Variants in MACF1 observed in about 807,000 individuals in gnomAD.
MACF1 encodes the protein microtubule-actin cross-linking factor 1.
MACF1 carries 193 observed loss-of-function variants against 854.8 expected under a neutral mutation model. That is an observed-to-expected ratio of 0.23 (90% confidence interval 0.20 to 0.25). MACF1 has a LOEUF of 0.25. Among genes scored for constraint, MACF1 ranks in the 10% least tolerant of loss-of-function variants. The probability of loss-of-function intolerance (pLI) is 1.00; values close to 1 mark genes in which losing one functional copy is unlikely to be tolerated. For synonymous variants in MACF1, 3,185 were observed against 3,226.7 expected, an observed-to-expected ratio of 0.99 and a Z score of 0.44; for missense variants, 7,722 against 8,929.1, an observed-to-expected ratio of 0.86 and a Z score of 5.45.
At chr1:39,091,730 G>A (rs1451084361) in intron 2 of MACF1, among the ~76,000 whole-genome samples, 1 of 152,088 alleles carries the variant, frequency 6.6e-6, no homozygotes, top group African/African-American at 2.4e-5. Flanking sequence ...TCAATCTCTT[G>A]ACCTCGTGAT....
chr1:39,391,623 A>G (rs1642039725), intron 58 of MACF1, among the ~76,000 whole-genome samples: 1 of 152,254 alleles, frequency 6.6e-6, no homozygotes, highest in Non-Finnish European at 1.5e-5. Flanking sequence ...AAGAGTCCAC[A>G]TGCAGGCATA....
intron 2 of MACF1, among the ~76,000 whole-genome samples, chr1:39,184,195 C>T (rs929520417): frequency 1.3e-5 from 2 of 152,132 alleles, no homozygotes; most frequent in Admixed American, 6.6e-5. Flanking sequence ...CTTGGGTATA[C>T]TGTGTTTGTA....
chr1:39,280,919 C>T (rs1645531308), intron 6 of MACF1, among the ~76,000 whole-genome samples: 1 of 152,134 alleles, frequency 6.6e-6, no homozygotes. Flanking sequence ...ACTGTCAGTG[C>T]TGTGGGAGTT....
chr1:39,201,499 C>G (rs1476261461), upstream of MACF1, among the ~76,000 whole-genome samples: 1 of 152,002 alleles, frequency 6.6e-6, no homozygotes, highest in African/African-American at 2.4e-5. Flanking sequence ...ACTACAGGCG[C>G]GTGCCACCAC....
At chr1:39,337,582 T>TTTC (rs1646836624) in intron 38 of MACF1, among the ~76,000 whole-genome samples, 2 of 149,636 alleles carry the variant, frequency 1.3e-5, no homozygotes, top group Non-Finnish European at 3.0e-5. Flanking sequence ...TTTTTTTTTT[T>TTTC]TGAGATAGAG....
intron 20 of MACF1, 83 bp downstream of exon 20, chr1:39,295,965 T>C: frequency 8.3e-7 from 1 of 1,206,076 alleles, no homozygotes; most frequent in Non-Finnish European, 1.2e-6. Flanking sequence ...GTTAGTGTGC[T>C]TTTGTTGTAT....
Position 39,485,902 on chromosome 1 carries a change from A to G in MACF1, c.*108A>G. The G allele has an allele frequency of 8.3e-7, 1 of 1,198,542 alleles. No individual in the cohort carries two copies. Among genetic ancestry groups the G allele is most frequent in the Non-Finnish European group, 1.1e-6 (1 of 922,308 alleles). The allele number at this position is 1,198,542 out of a possible 1,614,324, so 74.2% of individuals were successfully genotyped here. On this transcript the variant is annotated 3_prime_UTR_variant, in exon 101 of 101. Transcript: ENST00000564288. ...GTTATATTGTTAAAAGTGTAAAAGA[A>G]TAATTGTGTTATGAAGCTGCCTTAT...
intron 42 of MACF1, 106 bp downstream of exon 42, chr1:39,349,733 G>A: frequency 8.3e-7 from 1 of 1,205,886 alleles, no homozygotes; most frequent in Non-Finnish European, 1.1e-6. Flanking sequence ...CCTGGGCTCA[G>A]GCAATCCTCC....
chr1:39,434,711 C>A, intron 69 of MACF1, 79 bp downstream of exon 69: 1 of 1,228,848 alleles, frequency 8.1e-7, no homozygotes, highest in South Asian at 1.4e-5. Flanking sequence ...TTGTTAGTGT[C>A]TATAGGTGCA....
intron 2 of MACF1, among the ~76,000 whole-genome samples, chr1:39,087,714 G>T (rs1354407974): frequency 6.6e-6 from 1 of 152,152 alleles, no homozygotes; most frequent in Non-Finnish European, 1.5e-5. Context: ...GGGTTTAGGG[G>T]ACTTGCCTAT....
At chr1:39,086,000 C>T (rs1402171636) in intron 2 of MACF1, among the ~76,000 whole-genome samples, 2 of 152,202 alleles carry the variant, frequency 1.3e-5, no homozygotes, top group African/African-American at 4.8e-5. Flanking sequence ...TCCTCCTCCG[C>T]TCTCACAGTC....
chr1:39,352,380 A>T (rs17264671), intron 43 of MACF1, among the ~76,000 whole-genome samples: 1 of 152,102 alleles, frequency 6.6e-6, no homozygotes, highest in Non-Finnish European at 1.5e-5. Flanking sequence ...AGGAAAGAGC[A>T]GCCCGGTAAC....
intron 60 of MACF1, among the ~76,000 whole-genome samples, chr1:39,423,113 A>T (rs1414364380): frequency 1.3e-5 from 2 of 152,210 alleles, no homozygotes; most frequent in Admixed American, 1.3e-4. Context: ...TTACCTGTTC[A>T]TGTATCCTAT....
rs1644773843 is a variant in MACF1 at position 39,231,245 on chromosome 1, T to C, written c.171+2T>C. ...TGGGTCAACAAGCACTTAATGAAGG[T>C]AGGACCCTTTCATATATATGCTGCC... On this transcript the variant is annotated splice_donor_variant, in intron 2 of 100. Coordinates refer to ENST00000564288, the MANE Select transcript of MACF1 (RefSeq NM_001394062.1). LOFTEE classifies it high-confidence loss of function. 1 of 1,613,796 alleles carries C rather than the reference T, an allele frequency of 6.2e-7. No homozygotes were observed. The highest frequency in any genetic ancestry group is 1.1e-5 in the South Asian group (1 of 91,070).
At chr1:39,448,789 GTCT>G in intron 84 of MACF1, 26 bp downstream of exon 84, 1 of 1,537,392 alleles carries the variant, frequency 6.5e-7, no homozygotes, top group Non-Finnish European at 8.8e-7. Flanking sequence ...CCCTTCAGGG[GTCT>G]AACCGGGATC....
intron 17 of MACF1, 147 bp downstream of exon 17, chr1:39,292,990 T>C: frequency 3.3e-6 from 2 of 608,088 alleles, no homozygotes; most frequent in Non-Finnish European, 5.7e-6. Context: ...CACTTATTCA[T>C]ATCTATTATA....
chr1:39,337,219 A>G lies in MACF1; in HGVS notation c.10103A>G (p.Glu3368Gly), dbSNP rs1433935013. 1 of 1,613,942 alleles carries G rather than the reference A, an allele frequency of 6.2e-7. No homozygotes were observed. The highest frequency in any genetic ancestry group is 8.5e-7 in the Non-Finnish European group (1 of 1,179,902). The change falls in exon 38 of 101, where the codon GAA (glutamate) becomes GGA (glycine). Residue 3368 changes from glutamate (E) to glycine (G), a missense_variant. Coordinates refer to ENST00000564288, the MANE Select transcript of MACF1 (RefSeq NM_001394062.1). ...CGGCAACTCTGTTTAGAACATGATG[A>G]AAAGCTAGTATCCTATCTGTCTCTG... ...FTRQLCLEHDEKLVSYLSLLR... is the reference protein window; with the variant it reads ...FTRQLCLEHDGKLVSYLSLLR...
intron 52 of MACF1, chr1:39,373,428 A>G (rs769252953): frequency 1.4e-5 from 2 of 145,146 alleles, no homozygotes; most frequent in Non-Finnish European, 1.5e-5. Context: ...ACGACAGTGC[A>G]TGCACTCCAG....
chr1:39,233,802 A>G (rs11205803), intron 2 of MACF1, among the ~76,000 whole-genome samples: 8 of 70,114 alleles, frequency 1.1e-4, no homozygotes, highest in East Asian at 4.4e-4. Context: ...TTTTTTATTT[A>G]TTTTTTATTG....
Sources: gnomAD v4.1 joint callset for allele counts (sites outside exome capture counted in the v4.1 genomes callset) on GRCh38, gnomAD v4.1.1 for gene constraint, MANE v1.5 for transcripts, NCBI Gene and HGNC (gene_info 2026-07-23, HGNC 2026-07-21) for gene names.